Variants in CNBD1 observed in about 807,000 individuals in gnomAD.
CNBD1 encodes the protein cyclic nucleotide binding domain containing 1.
Under a neutral mutation model 54.4 loss-of-function variants are expected in CNBD1, and 71 were observed. That is an observed-to-expected ratio of 1.30 (90% CI 1.08 to 1.59). The LOEUF (loss-of-function observed/expected upper bound fraction) is 1.59. CNBD1 is among the 40% of genes most tolerant of loss of function. CNBD1 has a pLI of 0.00. For missense variants in CNBD1, 659 were observed against 518.0 expected (o/e 1.27, Z -2.64); for synonymous variants, 182 against 170.7 (o/e 1.07, Z -0.51).
At chr8:87,348,886 G>T (rs10098438) in intron 8 of CNBD1, among the ~76,000 whole-genome samples, 42,814 of 151,992 alleles carry the variant, frequency 0.28, 6,728 homozygotes, top group Middle Eastern at 0.41. Context: ...AAGGAACAAG[G>T]CCTGATGTTT....
chr8:87,369,954 A>G (rs1407338779), intron 10 of CNBD1, among the ~76,000 whole-genome samples: 1 of 151,494 alleles, frequency 6.6e-6, no homozygotes, highest in Non-Finnish European at 1.5e-5. Flanking sequence ...TTCAATTCCC[A>G]TCTATGAGTG....
chr8:87,085,858 C>A (rs1463581217), intron 4 of CNBD1, among the ~76,000 whole-genome samples: 1 of 152,140 alleles, frequency 6.6e-6, no homozygotes, highest in African/African-American at 2.4e-5. Flanking sequence ...GGTACTTTCT[C>A]AGTGATTCTG....
At chr8:87,360,343 T>G (rs1027574699) in intron 10 of CNBD1, among the ~76,000 whole-genome samples, 2 of 151,910 alleles carry the variant, frequency 1.3e-5, no homozygotes, top group South Asian at 4.1e-4. Context: ...GGTGGTTAAC[T>G]TTTGGAAGTT....
intron 4 of CNBD1, among the ~76,000 whole-genome samples, chr8:87,189,714 C>T (rs892797820): frequency 2.6e-4 from 40 of 152,070 alleles, no homozygotes; most frequent in African/African-American, 8.5e-4. Context: ...GTGTGCACTC[C>T]GCGAATGACC....
chr8:87,112,417 C>T (rs1462877190), intron 4 of CNBD1, among the ~76,000 whole-genome samples: 2 of 152,068 alleles, frequency 1.3e-5, no homozygotes, highest in Non-Finnish European at 2.9e-5. Context: ...ACAATTAAGT[C>T]CTAGTCTTGG....
At chr8:86,995,907 T>A (rs1221885308) in intron 4 of CNBD1, among the ~76,000 whole-genome samples, 1 of 152,170 alleles carries the variant, frequency 6.6e-6, no homozygotes, top group Non-Finnish European at 1.5e-5. Flanking sequence ...TGGACAACAG[T>A]AGAAGTATTT....
rs778870973 is a variant in CNBD1, at chr8:87,124,142, C to T, written c.432-81851C>T. Among the ~76,000 whole-genome samples the T allele has an allele frequency of 4.8e-4, 73 of 151,506 alleles. 1 individual carries two copies. The highest frequency in any genetic ancestry group is 1.2e-4 in the Non-Finnish European group (8 of 67,592). ...AATTCTTTTTATGAGGCTGGAATTA[C>T]ACTGACAAAAAAGACAAGGACACTA... On this transcript the variant is annotated intron_variant, in intron 4 of 10. Transcript: ENST00000518476.
chr8:87,303,521 A>C (rs1356879860), intron 8 of CNBD1, among the ~76,000 whole-genome samples: 2 of 152,138 alleles, frequency 1.3e-5, no homozygotes, highest in African/African-American at 4.8e-5. Flanking sequence ...TTAGACCTAA[A>C]ACCATAAAAA....
intron 3 of CNBD1, among the ~76,000 whole-genome samples, chr8:86,937,010 T>G (rs542909152): frequency 6.6e-6 from 1 of 152,258 alleles, no homozygotes; most frequent in South Asian, 2.1e-4. Flanking sequence ...TGGTGTATTG[T>G]GTATTCATCT....
At chr8:87,383,157 T>C (rs1811115796), downstream of CNBD1, among the ~76,000 whole-genome samples, 1 of 152,090 alleles carries the variant, frequency 6.6e-6, no homozygotes, top group South Asian at 2.1e-4. Flanking sequence ...TTTAAAAATA[T>C]TCCATTTTGT....
chr8:87,371,622 CAA>C (rs1810800236), intron 10 of CNBD1, among the ~76,000 whole-genome samples: 1 of 151,966 alleles, frequency 6.6e-6, no homozygotes, highest in Non-Finnish European at 1.5e-5. Flanking sequence ...AGCAGCACAT[CAA>C]AAAGCTTATC....
intron 10 of CNBD1, among the ~76,000 whole-genome samples, chr8:87,376,654 A>G (rs1378984223): frequency 6.6e-6 from 1 of 151,988 alleles, no homozygotes; most frequent in African/African-American, 2.4e-5. Context: ...TAGCTAAAGC[A>G]GTGATTATTT....
At chr8:87,096,457 T>C (rs1040850558) in intron 4 of CNBD1, among the ~76,000 whole-genome samples, 4 of 152,080 alleles carry the variant, frequency 2.6e-5, no homozygotes, top group African/African-American at 7.2e-5. Flanking sequence ...TACAGTCACG[T>C]TGGTTGTTAA....
intron 4 of CNBD1, among the ~76,000 whole-genome samples, chr8:87,164,696 G>A (rs1012158602): frequency 6.6e-6 from 1 of 150,990 alleles, no homozygotes; most frequent in African/African-American, 2.4e-5. Context: ...TCCATCTAAA[G>A]TTTCATAAAT....
intron 2 of CNBD1, among the ~76,000 whole-genome samples, chr8:86,891,460 C>T (rs1015735610): frequency 2.0e-5 from 3 of 152,020 alleles, no homozygotes; most frequent in Admixed American, 6.6e-5. Context: ...TGTTTTTATA[C>T]CAGCATCATA....
At chr8:87,412,572 G>C (rs1807765414) in intron 2 of CNBD1, among the ~76,000 whole-genome samples, 4 of 152,032 alleles carry the variant, frequency 2.6e-5, no homozygotes, top group Admixed American at 2.6e-4. Context: ...AAATCACCAA[G>C]AGAAATAGGA....
intron 8 of CNBD1, among the ~76,000 whole-genome samples, chr8:87,287,542 A>C (rs1249514110): frequency 6.6e-6 from 1 of 152,186 alleles, no homozygotes; most frequent in African/African-American, 2.4e-5. Context: ...TTTTTAATTT[A>C]AGTTTGAGAT....
intron 4 of CNBD1, among the ~76,000 whole-genome samples, chr8:87,026,654 C>G (rs1809652831): frequency 6.6e-6 from 1 of 152,076 alleles, no homozygotes; most frequent in Non-Finnish European, 1.5e-5. Flanking sequence ...ATTTTCTTTT[C>G]TTTATAACCT....
intron 8 of CNBD1, among the ~76,000 whole-genome samples, chr8:87,296,605 G>A (rs1808880253): frequency 6.7e-6 from 1 of 148,718 alleles, no homozygotes; most frequent in Admixed American, 6.7e-5. Context: ...ATATAATTTG[G>A]TATATATATA....
Sources: gnomAD v4.1 joint callset for allele counts (sites outside exome capture counted in the v4.1 genomes callset) on GRCh38, gnomAD v4.1.1 for gene constraint, MANE v1.5 for transcripts, NCBI Gene and HGNC (gene_info 2026-07-23, HGNC 2026-07-21) for gene names.